The following ATP10B variants were observed in gnomAD, a reference collection of about 807,000 sequenced individuals.
ATP10B encodes phospholipid-transporting ATPase VB.
In ATP10B, 122 loss-of-function variants were observed where a neutral mutation model predicts 141.2. The observed-to-expected ratio is 0.86, with a 90% CI of 0.75 to 1.00. The LOEUF (loss-of-function observed/expected upper bound fraction) is 1.00, where lower values mean the gene tolerates loss of function less well. Among genes scored for constraint, ATP10B ranks in the 50% least tolerant of loss-of-function variants. The probability of loss-of-function intolerance (pLI) is 0.00; values close to 1 mark genes in which losing one functional copy is unlikely to be tolerated. For missense variants in ATP10B, 1,876 were observed against 1,825.3 expected, an observed-to-expected ratio of 1.03 and a Z score of -0.51; for synonymous variants, 685 against 692.0, an observed-to-expected ratio of 0.99 and a Z score of 0.16.
intron 2 of ATP10B, among the ~76,000 whole-genome samples, chr5:160,759,407 T>C (rs1768866765): frequency 6.6e-6 from 1 of 152,244 alleles, no homozygotes; most frequent in African/African-American, 2.4e-5. Context: ...ATTCCAAGGC[T>C]TTAACCCAGA....
chr5:160,760,313 C>G (rs1390761715), intron 2 of ATP10B, among the ~76,000 whole-genome samples: 4 of 152,144 alleles, frequency 2.6e-5, no homozygotes, highest in Admixed American at 2.6e-4. Flanking sequence ...TAAGCAATAA[C>G]CAAGCAGGCT....
rs367991121 is a variant in ATP10B, at chr5:160,588,031, G to T, written c.3750+1561C>A. On this transcript the variant is annotated intron_variant, in intron 24 of 25. Coordinates refer to ENST00000327245, the MANE Select transcript of ATP10B (RefSeq NM_025153.3). ...TGCCTAGCTAATTTTTGTATTTTTA[G>T]TAGAGATGGGGTTTCACCATGTTGG... Among the ~76,000 whole-genome samples the T allele has an allele frequency of 2.8e-4, 43 of 152,206 alleles. No individual in the cohort carries two copies. In the East Asian group the frequency reaches 6.6e-3, roughly 23 times the overall value.
At chr5:160,917,071 C>T in the ATP10B span, among the ~76,000 whole-genome samples, 302 of 152,104 alleles carry the variant, frequency 2.0e-3, 1 homozygote, top group African/African-American at 6.9e-3. Flanking sequence ...TTCCCCTTTG[C>T]CCACCATGGT....
At chr5:160,572,494 T>A (rs1425813047) in intron 24 of ATP10B, among the ~76,000 whole-genome samples, 2 of 152,164 alleles carry the variant, frequency 1.3e-5, no homozygotes, top group African/African-American at 4.8e-5. Flanking sequence ...TGAGGGTACC[T>A]AGTCTGAAGA....
At position 160,620,698 on chromosome 5, in the gene ATP10B, C is replaced by T. The variant is rs763114091; in HGVS notation, c.2065G>A (p.Asp689Asn). The T allele has an allele frequency of 1.5e-5, 25 of 1,614,010 alleles. No homozygotes were observed. The highest frequency in any genetic ancestry group is 1.6e-4 in the Middle Eastern group (1 of 6,080). ...GTGCCTGACCCAGACTCCAGGATGTCGCCCTGGTCCCACATGCTGCTCCTG... is the reference window on the plus strand; with the variant it reads ...GTGCCTGACCCAGACTCCAGGATGTTGCCCTGGTCCCACATGCTGCTCCTG... Reference protein sequence around the residue: ...GYRSSMWDQGDILESGSGTSL... With the variant: ...GYRSSMWDQGNILESGSGTSL... The change falls in exon 15 of 26, where the codon GAC (aspartate) becomes AAC (asparagine). Residue 689 changes from aspartate (D) to asparagine (N), a missense_variant. Asp to Asn is a conservative substitution (Grantham distance 23, BLOSUM62 1). Transcript: ENST00000327245.
the ATP10B span, among the ~76,000 whole-genome samples, chr5:160,913,298 A>C: frequency 9.2e-5 from 14 of 152,162 alleles, no homozygotes; most frequent in Non-Finnish European, 7.4e-5. Flanking sequence ...ACTTCTAAAA[A>C]TCCCAGAAGC....
In ATP10B at chr5:160,568,465, A is replaced by G. The variant is rs73819426; in HGVS notation, c.3938+1031T>C. Among the ~76,000 whole-genome samples the G allele has an allele frequency of 7.2e-3, 1,103 of 152,312 alleles. 13 individuals carry two copies. Among genetic ancestry groups the G allele is most frequent in the African/African-American group, 0.024 (999 of 41,574 alleles). On this transcript the variant is annotated intron_variant, in intron 25 of 25. Coordinates refer to ENST00000327245, the MANE Select transcript of ATP10B (RefSeq NM_025153.3). Reference sequence around the variant, plus strand: ...AGTTTTGTATAATTGTCTATTTGCTATCGCTTAAAATGATAAAATGGCTTG... The same window carrying G: ...AGTTTTGTATAATTGTCTATTTGCTGTCGCTTAAAATGATAAAATGGCTTG...
chr5:160,736,241 AAG>A (rs1345904896), intron 2 of ATP10B, among the ~76,000 whole-genome samples: 2 of 152,184 alleles, frequency 1.3e-5, no homozygotes, highest in Admixed American at 1.3e-4. Context: ...CCAAGAAAAA[AAG>A]AGAAGATCCA....
intron 1 of ATP10B, among the ~76,000 whole-genome samples, chr5:160,822,980 TTACATATACATATATATA>T (rs1225135929): frequency 2.3e-4 from 13 of 56,468 alleles, no homozygotes; most frequent in East Asian, 1.3e-3. Flanking sequence ...TAGTAAAAAA[TTACATATACATATATATA>T]TACATATATA....
At chr5:160,889,470 T>A in the ATP10B span, among the ~76,000 whole-genome samples, 1 of 152,190 alleles carries the variant, frequency 6.6e-6, no homozygotes, top group East Asian at 1.9e-4. Flanking sequence ...ATCAGCTGAC[T>A]GTCCTGCTGC....
intron 13 of ATP10B, among the ~76,000 whole-genome samples, chr5:160,629,320 G>A (rs1581225847): frequency 6.6e-6 from 1 of 152,230 alleles, no homozygotes; most frequent in East Asian, 1.9e-4. Flanking sequence ...TGATGGGTTA[G>A]CACAAGAGTC....
At chr5:160,755,538 G>A (rs1000992957) in intron 2 of ATP10B, among the ~76,000 whole-genome samples, 13 of 150,808 alleles carry the variant, frequency 8.6e-5, no homozygotes, top group East Asian at 1.9e-4. Flanking sequence ...ATTATAGTCC[G>A]GGCGCGGTGG....
chr5:160,636,534 A>T (rs369839227), intron 10 of ATP10B, among the ~76,000 whole-genome samples: 5 of 152,278 alleles, frequency 3.3e-5, no homozygotes, highest in East Asian at 3.9e-4. Flanking sequence ...ATAGGCATTA[A>T]GTTTGTTTTA....
At chr5:160,897,467 G>A in the ATP10B span, among the ~76,000 whole-genome samples, 6 of 152,154 alleles carry the variant, frequency 3.9e-5, no homozygotes, top group East Asian at 9.7e-4. Flanking sequence ...AAAATACCTA[G>A]AGTATAACTT....
At chr5:160,888,681 G>A in the ATP10B span, among the ~76,000 whole-genome samples, 1 of 152,152 alleles carries the variant, frequency 6.6e-6, no homozygotes, top group African/African-American at 2.4e-5. Flanking sequence ...AATTGGCTCT[G>A]TCTTCCTTTG....
chr5:160,881,976 C>A, the ATP10B span, among the ~76,000 whole-genome samples: 221 of 151,974 alleles, frequency 1.5e-3, 4 homozygotes, highest in Non-Finnish European at 1.3e-3. Flanking sequence ...TACAGAGTAA[C>A]CTTAAATGCA....
chr5:160,724,251 C>CTTTTT (rs35786358), intron 2 of ATP10B, among the ~76,000 whole-genome samples: 11 of 107,070 alleles, frequency 1.0e-4, no homozygotes, highest in Non-Finnish European at 1.2e-4. Flanking sequence ...GCTATAATTC[C>CTTTTT]TTTTTTTTTT....
intron 2 of ATP10B, among the ~76,000 whole-genome samples, chr5:160,728,782 CG>C (rs78181739): frequency 0.28 from 42,267 of 151,554 alleles, 6,653 homozygotes; most frequent in East Asian, 0.7. Flanking sequence ...CACTGTTTCA[CG>C]GAACCCTTTT....
chr5:160,654,693 T>A (rs1035200693), intron 7 of ATP10B, among the ~76,000 whole-genome samples: 14 of 151,844 alleles, frequency 9.2e-5, no homozygotes, highest in Admixed American at 2.0e-4. Flanking sequence ...TCCAAAGTCA[T>A]TGTCGTCATC....
Sources: gnomAD v4.1 joint callset for allele counts (sites outside exome capture counted in the v4.1 genomes callset) on GRCh38, gnomAD v4.1.1 for gene constraint, MANE v1.5 for transcripts, NCBI Gene and HGNC (gene_info 2026-07-23, HGNC 2026-07-21) for gene names.